Variants in C1QTNF7 observed in about 807,000 individuals in gnomAD.
The protein encoded by C1QTNF7 is complement C1q tumor necrosis factor-related protein 7.
A neutral mutation model predicts 19.6 loss-of-function variants in C1QTNF7; 15 were observed. The observed-to-expected ratio is 0.76, with a 90% CI of 0.51 to 1.18. C1QTNF7 has a LOEUF of 1.18. C1QTNF7 is among the 50% of genes most tolerant of loss of function. The pLI is 0.00. For missense variants in C1QTNF7, 324 were observed against 359.7 expected (o/e 0.90, Z 0.80); for synonymous variants, 142 against 137.5 (o/e 1.03, Z -0.23).
At chr4:15,407,427 C>G (rs1339798344) in intron 1 of C1QTNF7, among the ~76,000 whole-genome samples, 1 of 152,164 alleles carries the variant, frequency 6.6e-6, no homozygotes, top group Non-Finnish European at 1.5e-5. Flanking sequence ...TTTAGACCAG[C>G]TCTGCCTAAC....
intron 2 of C1QTNF7, among the ~76,000 whole-genome samples, chr4:15,440,554 C>T (rs898680588): frequency 2.2e-4 from 34 of 152,060 alleles, no homozygotes; most frequent in African/African-American, 7.5e-4. Flanking sequence ...ACTACAGGCG[C>T]GCACCACCAC....
Position 15,442,466 on chromosome 4 carries a change from C to A in C1QTNF7, c.537C>A (p.Asn179Lys), listed in dbSNP as rs368300386. 4.3e-6 allele frequency: 7 copies of A among 1,614,188 alleles called. No individual in the cohort carries two copies. The East Asian group carries it at 1.1e-4, about 26-fold the overall frequency. The change falls in exon 3 of 3, where the codon AAC becomes AAA. Residue 179 changes from asparagine to lysine, a missense_variant. Physicochemically the swap from Asn to Lys is moderately conservative, Grantham distance 94. Transcript: ENST00000444304. ...KVLFNEGEHY[N>K]PATGKFICAF... ...TCTTCAACGAGGGAGAGCACTACAA[C>A]CCTGCCACAGGGAAGTTCATCTGTG...
chr4:15,387,356 G>A (rs1292563407), intron 1 of C1QTNF7, among the ~76,000 whole-genome samples: 2 of 152,190 alleles, frequency 1.3e-5, no homozygotes, highest in African/African-American at 2.4e-5. Context: ...GGAGGTCTGG[G>A]CTAGAAATAG....
chr4:15,370,189 T>C (rs1421062589), intron 1 of C1QTNF7, among the ~76,000 whole-genome samples: 1 of 152,070 alleles, frequency 6.6e-6, no homozygotes, highest in African/African-American at 2.4e-5. Context: ...CTCTTATGAG[T>C]CTATAAATAT....
At chr4:15,398,529 G>A (rs564987498) in intron 1 of C1QTNF7, among the ~76,000 whole-genome samples, 1 of 152,084 alleles carries the variant, frequency 6.6e-6, no homozygotes, top group African/African-American at 2.4e-5. Context: ...GGACTACCTG[G>A]GTCTAGGCTC....
chr4:15,363,982 C>G (rs746852258), intron 1 of C1QTNF7, among the ~76,000 whole-genome samples: 14 of 152,154 alleles, frequency 9.2e-5, no homozygotes, highest in Non-Finnish European at 1.8e-4. Flanking sequence ...CCTTTCTCTC[C>G]TCTCTTGAAA....
At chr4:15,396,374 G>A (rs1027307515) in intron 1 of C1QTNF7, among the ~76,000 whole-genome samples, 16 of 152,152 alleles carry the variant, frequency 1.1e-4, no homozygotes, top group Non-Finnish European at 1.9e-4. Flanking sequence ...ACCATAAAAT[G>A]TATCTAGCAG....
chr4:15,390,713 A>T, intron 1 of C1QTNF7, among the ~76,000 whole-genome samples: 1 of 152,238 alleles, frequency 6.6e-6, no homozygotes, highest in East Asian at 1.9e-4. Context: ...GCTGGGAAGA[A>T]CCCCAAAGAA....
chr4:15,387,927 T>C (rs2108896527), intron 1 of C1QTNF7, among the ~76,000 whole-genome samples: 1 of 152,238 alleles, frequency 6.6e-6, no homozygotes, highest in South Asian at 2.1e-4. Flanking sequence ...GGAGAACTGC[T>C]CTAGTGATGT....
At chr4:15,440,684 G>T (rs1351693752) in intron 2 of C1QTNF7, among the ~76,000 whole-genome samples, 1 of 152,120 alleles carries the variant, frequency 6.6e-6, no homozygotes, top group African/African-American at 2.4e-5. Context: ...GGGATTACAG[G>T]CGTGAGTCAC....
intron 2 of C1QTNF7, among the ~76,000 whole-genome samples, chr4:15,440,221 G>A (rs908085494): frequency 6.6e-6 from 1 of 151,944 alleles, no homozygotes; most frequent in Non-Finnish European, 1.5e-5. Flanking sequence ...TGTCTTCTCT[G>A]TATATAAAGA....
At chr4:15,345,225 C>T (rs1046886607) in intron 1 of C1QTNF7, among the ~76,000 whole-genome samples, 1 of 152,164 alleles carries the variant, frequency 6.6e-6, no homozygotes, top group Non-Finnish European at 1.5e-5. Flanking sequence ...GGCAAAAATC[C>T]TGGGAGGCAT....
intron 1 of C1QTNF7, among the ~76,000 whole-genome samples, chr4:15,402,183 C>T (rs530391407): frequency 6.6e-6 from 1 of 152,300 alleles, no homozygotes; most frequent in African/African-American, 2.4e-5. Context: ...TTAGTCTCCA[C>T]CACAATCCTC....
rs1162299175 is a variant in C1QTNF7 at position 15,374,795 on chromosome 4, G to A, written c.13+34588G>A. Reference sequence around the variant, plus strand: ...GTAAGTAAACAGCCCTCTCTCCATTGATAAACGTCTTCAGGCTTTTTTTCC... The same window carrying A: ...GTAAGTAAACAGCCCTCTCTCCATTAATAAACGTCTTCAGGCTTTTTTTCC... On this transcript the variant is annotated intron_variant, in intron 1 of 2. Coordinates refer to the C1QTNF7 transcript ENST00000295297. 5 of 918,176 alleles carry A rather than the reference G, an allele frequency of 5.4e-6. No homozygotes were observed. In the African/African-American group the frequency reaches 1.4e-4, roughly 26 times the overall value. 56.9% of individuals were successfully genotyped at this position (918,176 alleles called of 1,614,324 possible). A position where few individuals can be genotyped will look rare whatever the true frequency, so the allele number is the denominator to read the frequency against.
intron 1 of C1QTNF7, among the ~76,000 whole-genome samples, chr4:15,349,201 C>T (rs1199213311): frequency 1.3e-5 from 2 of 152,180 alleles, no homozygotes; most frequent in Admixed American, 6.5e-5. Context: ...ACTGGGGTGA[C>T]AATGATTCTC....
At chr4:15,418,023 G>A (rs542178112) in intron 1 of C1QTNF7, among the ~76,000 whole-genome samples, 56 of 152,246 alleles carry the variant, frequency 3.7e-4, no homozygotes, top group Non-Finnish European at 1.6e-4. Context: ...GATTACCATG[G>A]GACCAGAGAG....
chr4:15,442,923 G>T lies in C1QTNF7; in HGVS notation c.*124G>T, dbSNP rs1232579723. On this transcript the variant is annotated 3_prime_UTR_variant, in exon 3 of 3. Coordinates refer to ENST00000444304, the MANE Select transcript of C1QTNF7 (RefSeq NM_031911.5). ...TCTAAAGCATTTAAAGACAATTCTA[G>T]CAGAATTTATCAAAACAAGATGAAA... The T allele has an allele frequency of 1.5e-5, 15 of 1,016,120 alleles. No homozygotes were observed. The South Asian group carries it at 2.9e-4, about 19-fold the overall frequency. The allele number at this position is 1,016,120 out of a possible 1,614,324, so 62.9% of individuals were successfully genotyped here. A position where few individuals can be genotyped will look rare whatever the true frequency, so the allele number is the denominator to read the frequency against.
Position 15,428,098 on chromosome 4 carries a change from A to C in C1QTNF7, c.-17A>C. 1.0e-6 allele frequency: 1 copy of C among 985,094 alleles called. No individual in the cohort carries two copies. Among genetic ancestry groups the C allele is most frequent in the Non-Finnish European group, 1.2e-6 (1 of 829,614 alleles). The allele number at this position is 985,094 out of a possible 1,614,324, so 61.0% of individuals were successfully genotyped here. ...AGAATCCTGCAGCAGCCCACCATCT[A>C]AGAGCAAGGTATGGTGTTTACTCTT... On this transcript the variant is annotated 5_prime_UTR_variant, in exon 1 of 3. Coordinates refer to ENST00000444304, the MANE Select transcript of C1QTNF7 (RefSeq NM_031911.5).
chr4:15,368,703 G>T (rs6449129), intron 1 of C1QTNF7, among the ~76,000 whole-genome samples: 71,368 of 152,100 alleles, frequency 0.47, 18,024 homozygotes, highest in African/African-American at 0.65. Context: ...ATGGGCATTT[G>T]GGTAGGTTCC....
Sources: allele counts gnomAD v4.1 joint callset (sites outside exome capture counted in the v4.1 genomes callset), GRCh38; gene constraint gnomAD v4.1.1; transcripts MANE v1.5; gene names NCBI Gene and HGNC (gene_info 2026-07-23, HGNC 2026-07-21).